EYS: variants seen among roughly 807,000 people sequenced by gnomAD.
The protein encoded by EYS is EGF-like photoreceptor maintenance factor.
A neutral mutation model predicts 282.1 loss-of-function variants in EYS; 250 were observed. The observed-to-expected ratio is 0.89, with a 90% CI of 0.80 to 0.98. The LOEUF (loss-of-function observed/expected upper bound fraction) is 0.98. EYS is among the 50% of genes least tolerant of loss of function. EYS has a pLI of 0.00. For synonymous variants in EYS, 1,355 were observed against 1,282.9 expected, an observed-to-expected ratio of 1.06 and a Z score of -1.20; for missense variants, 4,016 against 3,709.0, an observed-to-expected ratio of 1.08 and a Z score of -2.15.
chr6:65,148,176 C>G (rs1764524618), intron 12 of EYS, among the ~76,000 whole-genome samples: 1 of 152,104 alleles, frequency 6.6e-6, no homozygotes, highest in Non-Finnish European at 1.5e-5. Flanking sequence ...TTAACTGATT[C>G]CAGCATGAAC....
At chr6:65,644,539 C>T (rs2149815100) in intron 1 of EYS, among the ~76,000 whole-genome samples, 1 of 152,260 alleles carries the variant, frequency 6.6e-6, no homozygotes, top group Middle Eastern at 3.4e-3. Context: ...GAGATCTAGA[C>T]ATCCAAATAC....
At chr6:64,992,276 G>C (rs1159266286) in intron 14 of EYS, among the ~76,000 whole-genome samples, 1 of 151,780 alleles carries the variant, frequency 6.6e-6, no homozygotes, top group African/African-American at 2.4e-5. Flanking sequence ...ACTATAAGAA[G>C]TTTTCATTTC....
At chr6:65,669,705 G>C (rs910758260) in intron 1 of EYS, among the ~76,000 whole-genome samples, 8 of 151,828 alleles carry the variant, frequency 5.3e-5, no homozygotes, top group African/African-American at 1.4e-4. Context: ...AGACCACCTT[G>C]TTTCATTTTT....
rs549516539 is a variant in EYS at position 65,236,888 on chromosome 6, C to A, written c.2023+58975G>T. Among the ~76,000 whole-genome samples, 4 of 152,256 alleles carry A rather than the reference C, an allele frequency of 2.6e-5. No homozygotes were observed. In the East Asian group the frequency reaches 7.7e-4, roughly 29 times the overall value. ...TAGATTAAATCTCTCTTTATCTTTT[C>A]TTTGGCCAATACAATGAATGTGGTT... On this transcript the variant is annotated intron_variant, in intron 12 of 42. Transcript: ENST00000503581.
At chr6:64,789,062 A>G (rs1310704592) in intron 22 of EYS, among the ~76,000 whole-genome samples, 1 of 152,138 alleles carries the variant, frequency 6.6e-6, no homozygotes, top group Non-Finnish European at 1.5e-5. Context: ...AGTCAGCCCA[A>G]TAATCTCCAT....
At chr6:64,258,536 C>T (rs1767480168) in intron 30 of EYS, among the ~76,000 whole-genome samples, 1 of 151,972 alleles carries the variant, frequency 6.6e-6, no homozygotes, top group Admixed American at 6.6e-5. Flanking sequence ...TCTTGGGTTA[C>T]ATAAAGACAA....
intron 14 of EYS, among the ~76,000 whole-genome samples, chr6:64,952,604 C>T (rs1769550256): frequency 1.3e-5 from 2 of 152,020 alleles, no homozygotes; most frequent in African/African-American, 4.8e-5. Context: ...CCACCAATCC[C>T]TGACCATACT....
At chr6:64,946,252 T>A (rs1769286189) in intron 14 of EYS, among the ~76,000 whole-genome samples, 1 of 151,974 alleles carries the variant, frequency 6.6e-6, no homozygotes. Flanking sequence ...GATGATGGAG[T>A]ATAACTAAAT....
In EYS at chr6:64,591,253, G is replaced by A; in HGVS notation, c.4614C>T (p.Leu1538=). ...AITEASSNQR[L]TNIKSQAADS... is the part of the protein sequence containing the mutation. ...CAGCAGCCTGTGATTTGATGTTTGT[G>A]AGTCTCTGGTTGCTTGAAGCCTCAG... is the stretch of plus-strand genomic sequence containing the variant. Residue 1538 remains leucine (L), a synonymous_variant, in exon 26 of 43, where the codon CTC becomes CTT. Coordinates refer to ENST00000503581, the MANE Select transcript of EYS (RefSeq NM_001142800.2). The A allele has an allele frequency of 6.4e-7, 1 of 1,551,408 alleles. No individual in the cohort carries two copies. Among genetic ancestry groups the A allele is most frequent in the Non-Finnish European group, 8.7e-7 (1 of 1,146,816 alleles).
At chr6:65,003,593 T>G (rs1771537875) in intron 13 of EYS, among the ~76,000 whole-genome samples, 1 of 147,246 alleles carries the variant, frequency 6.8e-6, no homozygotes, top group Non-Finnish European at 1.5e-5. Flanking sequence ...TAATAAAAAC[T>G]TGCTGGGTTT....
intron 31 of EYS, among the ~76,000 whole-genome samples, chr6:64,210,968 T>C (rs74350213): frequency 0.027 from 4,125 of 152,322 alleles, 59 homozygotes; most frequent in African/African-American, 0.042. Flanking sequence ...GCCTTTGGAC[T>C]CTGAGCCTTG....
chr6:64,180,924 C>T (rs947840152), intron 31 of EYS, among the ~76,000 whole-genome samples: 1 of 152,012 alleles, frequency 6.6e-6, no homozygotes, highest in Non-Finnish European at 1.5e-5. Context: ...GAGCACAGTA[C>T]CTGATAGTTT....
chr6:64,287,025 A>T (rs1243414027), intron 30 of EYS, among the ~76,000 whole-genome samples: 1 of 152,208 alleles, frequency 6.6e-6, no homozygotes, highest in Non-Finnish European at 1.5e-5. Context: ...TGAATAATTT[A>T]TATGTAAAAA....
chr6:64,795,148 T>A (rs908371297), intron 22 of EYS, among the ~76,000 whole-genome samples: 1 of 151,246 alleles, frequency 6.6e-6, no homozygotes. Context: ...GGCAGAAGAA[T>A]CGCTAGAACC....
intron 2 of EYS, among the ~76,000 whole-genome samples, chr6:65,588,054 T>C (rs1765114020): frequency 6.6e-6 from 1 of 152,078 alleles, no homozygotes; most frequent in Non-Finnish European, 1.5e-5. Flanking sequence ...AGATTTACTA[T>C]TAGAAAGATG....
chr6:65,126,214 T>C (rs919153225), intron 12 of EYS, among the ~76,000 whole-genome samples: 2 of 152,172 alleles, frequency 1.3e-5, no homozygotes, highest in African/African-American at 4.8e-5. Flanking sequence ...CTTTACCTTG[T>C]GCATTATTCT....
At chr6:64,299,810 TAAC>T (rs1429061755) in intron 30 of EYS, among the ~76,000 whole-genome samples, 6 of 152,186 alleles carry the variant, frequency 3.9e-5, no homozygotes, top group Admixed American at 1.3e-4. Context: ...GGAGAAATCT[TAAC>T]ATCATCAGCA....
intron 26 of EYS, among the ~76,000 whole-genome samples, chr6:64,497,015 C>T (rs1464400863): frequency 6.6e-6 from 1 of 151,984 alleles, no homozygotes; most frequent in African/African-American, 2.4e-5. Context: ...TATCATTCTT[C>T]TTCACTTCCA....
chr6:63,994,070 T>C (rs1767723797), intron 34 of EYS, among the ~76,000 whole-genome samples: 1 of 151,932 alleles, frequency 6.6e-6, no homozygotes, highest in South Asian at 2.1e-4. Context: ...TTCGGAAAAC[T>C]GGCTATTCAC....
Sources: gnomAD v4.1 joint callset for allele counts (sites outside exome capture counted in the v4.1 genomes callset) on GRCh38, gnomAD v4.1.1 for gene constraint, MANE v1.5 for transcripts, NCBI Gene and HGNC (gene_info 2026-07-23, HGNC 2026-07-21) for gene names.